The following ACBD3 variants were observed in gnomAD, a reference collection of about 807,000 sequenced individuals.
ACBD3 encodes the protein acyl-CoA binding domain containing 3.
In ACBD3, 30 loss-of-function variants were observed where a neutral mutation model predicts 66.9. The ratio of observed to expected loss-of-function variants is 0.45; its 90% confidence interval spans 0.34 to 0.61. The LOEUF (loss-of-function observed/expected upper bound fraction) is 0.61, where lower values mean the gene tolerates loss of function less well. Ranked by LOEUF, ACBD3 falls within the 20% of genes least tolerant of loss-of-function variation. ACBD3 has a pLI of 0.02. For synonymous variants in ACBD3, 278 were observed against 259.8 expected (o/e 1.07, Z -0.68); for missense variants, 544 against 664.5 (o/e 0.82, Z 1.99).
chr1:226,160,332 G>C (rs1268530524), intron 4 of ACBD3, among the ~76,000 whole-genome samples: 1 of 149,738 alleles, frequency 6.7e-6, no homozygotes, highest in African/African-American at 2.5e-5. Flanking sequence ...TCAATCAAGT[G>C]ATCCGCCCGC....
rs1252666279 is a variant in ACBD3 at position 226,145,730 on chromosome 1, AATG to A, written c.*877_*879del. The stretch of plus-strand genomic sequence containing the variant: ...CTTCCCATATGCTGAATTATATTTA[AATG>A]ATTTTATGTATTTTAATTCAGTAGG... On this transcript the variant is annotated 3_prime_UTR_variant, in exon 8 of 8. Coordinates refer to ENST00000366812, the MANE Select transcript of ACBD3 (RefSeq NM_022735.4). 1 of 152,636 alleles carries A rather than the reference AATG, an allele frequency of 6.6e-6. No individual in the cohort carries two copies. Among genetic ancestry groups the A allele is most frequent in the African/African-American group, 2.4e-5 (1 of 41,454 alleles). The allele number at this position is 152,636 out of a possible 1,614,324, so 9.5% of individuals were successfully genotyped here.
intron 3 of ACBD3, among the ~76,000 whole-genome samples, chr1:226,164,533 A>G (rs183953346): frequency 1.6e-4 from 25 of 152,284 alleles, no homozygotes; most frequent in Admixed American, 1.5e-3. Context: ...AGTGTAATAA[A>G]ACAAAAGGAA....
chr1:226,173,016 G>A (rs1353545214), intron 1 of ACBD3, among the ~76,000 whole-genome samples: 1 of 151,732 alleles, frequency 6.6e-6, no homozygotes, highest in African/African-American at 2.4e-5. Flanking sequence ...CTATAATCCT[G>A]GCACTTTGGA....
At chr1:226,181,945 CT>C (rs1656178881) in intron 1 of ACBD3, among the ~76,000 whole-genome samples, 1 of 152,180 alleles carries the variant, frequency 6.6e-6, no homozygotes, top group Admixed American at 6.5e-5. Context: ...AACTGGGCAA[CT>C]CTGGCCGGGC....
chr1:226,148,364 A>G (rs1659497973), intron 7 of ACBD3, among the ~76,000 whole-genome samples: 1 of 152,202 alleles, frequency 6.6e-6, no homozygotes. Context: ...TTCTAAAATT[A>G]AAAGTTTATT....
Position 226,186,647 on chromosome 1 carries a change from A to T in ACBD3, c.29T>A (p.Leu10His). Residue 10 changes from leucine (L) to histidine (H), a missense_variant, in exon 1 of 8, where the codon CTC becomes CAC. Transcript: ENST00000366812. MAAVLNAER[L>H]EVSVDGLTLS... ...CGTGAGGCCGTCGACGGACACCTCG[A>T]GTCGCTCTGCGTTCAGCACCGCCGC... 2.0e-6 allele frequency: 3 copies of T among 1,515,284 alleles called. No individual in the cohort carries two copies. Among genetic ancestry groups the T allele is most frequent in the Non-Finnish European group, 1.8e-6 (2 of 1,138,894 alleles). The allele number at this position is 1,515,284 out of a possible 1,614,324, so 93.9% of individuals were successfully genotyped here.
In ACBD3 at chr1:226,146,307, G is replaced by T; in HGVS notation, c.*303C>A. Reference sequence around the variant, plus strand: ...CATCAGCCGGGTAAGGTCAACGTTGGGGTGTTTTATTTTGGAGACTTTAAA... The same window carrying T: ...CATCAGCCGGGTAAGGTCAACGTTGTGGTGTTTTATTTTGGAGACTTTAAA... On this transcript the variant is annotated 3_prime_UTR_variant, in exon 8 of 8. Transcript: ENST00000366812. 3.5e-6 allele frequency: 1 copy of T among 281,952 alleles called. No individual in the cohort carries two copies. The highest frequency in any genetic ancestry group is 6.8e-6 in the Non-Finnish European group (1 of 148,004). 17.5% of individuals were successfully genotyped at this position (281,952 alleles called of 1,614,324 possible). A position where few individuals can be genotyped will look rare whatever the true frequency, so the allele number is the denominator to read the frequency against.
intron 5 of ACBD3, among the ~76,000 whole-genome samples, chr1:226,158,955 C>T (rs1214753744): frequency 6.6e-6 from 1 of 152,206 alleles, no homozygotes; most frequent in Non-Finnish European, 1.5e-5. Flanking sequence ...CATACAACTC[C>T]CAAATACCCT....
rs772273022 is a variant in ACBD3 at position 226,154,752 on chromosome 1, T to C, written c.985A>G (p.Ser329Gly). ...TGTCCATTAACTGACATCATATTAC[T>C]TGGTACAGTTGCATTCACTTTTGAT... ...TSSKVNATVP[S>G]NMMSVNGQAK... The change falls in exon 6 of 8, where the codon AGT (serine) becomes GGT (glycine). Residue 329 changes from serine to glycine, a missense_variant. Coordinates refer to ENST00000366812, the MANE Select transcript of ACBD3 (RefSeq NM_022735.4). 7 of 1,613,968 alleles carry C rather than the reference T, an allele frequency of 4.3e-6. No individual in the cohort carries two copies. Among genetic ancestry groups the C allele is most frequent in the African/African-American group, 2.7e-5 (2 of 75,026 alleles).
intron 5 of ACBD3, among the ~76,000 whole-genome samples, chr1:226,155,758 G>A (rs1576231410): frequency 6.6e-6 from 1 of 152,148 alleles, no homozygotes; most frequent in South Asian, 2.1e-4. Context: ...ATTGTTAATC[G>A]TGTTGTAAAA....
At chr1:226,162,947 T>C (rs1399889939) in intron 3 of ACBD3, among the ~76,000 whole-genome samples, 1 of 151,956 alleles carries the variant, frequency 6.6e-6, no homozygotes, top group Non-Finnish European at 1.5e-5. Flanking sequence ...CAGGGACCTG[T>C]AACCACATCC....
chr1:226,150,599 G>A (rs1340605187), intron 7 of ACBD3, among the ~76,000 whole-genome samples: 3 of 152,062 alleles, frequency 2.0e-5, no homozygotes, highest in African/African-American at 4.8e-5. Context: ...GACTGGTCTC[G>A]AACTCCTGAC....
chr1:226,179,294 G>C (rs72759078), intron 1 of ACBD3, among the ~76,000 whole-genome samples: 15,864 of 152,144 alleles, frequency 0.1, 1,012 homozygotes, highest in South Asian at 0.17. Flanking sequence ...GCAGGGACTT[G>C]AATTCCCACT....
Position 226,146,795 on chromosome 1 carries a change from T to C in ACBD3, c.1402A>G (p.Lys468Glu), listed in dbSNP as rs1659462050. ...EENIGCEEKA[K>E]KNANKPLLDE... is the part of the protein sequence containing the mutation. ...AGCAAAGGCTTGTTGGCATTCTTTT[T>C]GGCTTTCTCTTCACAACCGATGTTT... Residue 468 changes from lysine (K) to glutamate (E), a missense_variant, in exon 8 of 8, where the codon AAA becomes GAA. This residue lies in a region of ACBD3 where 383 missense variants were observed against 462.4 expected (regional missense o/e 0.83). Coordinates refer to ENST00000366812, the MANE Select transcript of ACBD3 (RefSeq NM_022735.4). 1 of 1,614,090 alleles carries C rather than the reference T, an allele frequency of 6.2e-7. No homozygotes were observed. Among genetic ancestry groups the C allele is most frequent in the Non-Finnish European group, 8.5e-7 (1 of 1,180,028 alleles).
At position 226,173,757 on chromosome 1, in the gene ACBD3, C is replaced by CTTTTTTTTT. The variant is rs145462202; in HGVS notation, c.287-7766_287-7758dup. Among the ~76,000 whole-genome samples, 9 of 88,306 alleles carry CTTTTTTTTT rather than the reference C, an allele frequency of 1.0e-4. 1 individual carries two copies. Among genetic ancestry groups the CTTTTTTTTT allele is most frequent in the South Asian group, 7.5e-4 (2 of 2,656 alleles). 57.9% of individuals were successfully genotyped at this position (88,306 alleles called of 152,430 possible). ...TAATTTTCTTCTTTTTTTTTCTTTT[C>CTTTTTTTTT]TTTTTTTTTTTTTTTTTTTTTGAGA... On this transcript the variant is annotated intron_variant, in intron 1 of 7. Transcript: ENST00000366812.
At chr1:226,165,760 T>C in intron 2 of ACBD3, 99 bp downstream of exon 2, 1 of 1,383,180 alleles carries the variant, frequency 7.2e-7, no homozygotes, top group South Asian at 1.6e-5. Flanking sequence ...GTTCTTATCC[T>C]AAGCTAATGA....
rs1363760777 is a variant in ACBD3, at chr1:226,164,802, G to C, written c.556C>G (p.Gln186Glu). The C allele has an allele frequency of 3.7e-6, 6 of 1,601,990 alleles. No homozygotes were observed. Among genetic ancestry groups the C allele is most frequent in the Non-Finnish European group, 5.1e-6 (6 of 1,175,624 alleles). ...CTCAAACTTCACCTTTTTTTTTCTT[G>C]CTCTTCCTTCTCTATTTTGTGGGAC... ...VASHKIEKEE[Q>E]EKKRKEEEER... Residue 186 changes from glutamine (Q) to glutamate (E), a missense_variant, in exon 3 of 8, where the codon CAA becomes GAA. Gln to Glu is a conservative substitution (Grantham distance 29, BLOSUM62 2). Transcript: ENST00000366812.
At chr1:226,169,317 G>A (rs1489296312) in intron 1 of ACBD3, among the ~76,000 whole-genome samples, 5 of 151,506 alleles carry the variant, frequency 3.3e-5, no homozygotes, top group East Asian at 1.9e-4. Context: ...GTGCGATCTC[G>A]GCTCACTGCA....
At chr1:226,171,603 T>A (rs920259278) in intron 1 of ACBD3, among the ~76,000 whole-genome samples, 2 of 152,032 alleles carry the variant, frequency 1.3e-5, no homozygotes, top group East Asian at 3.9e-4. Context: ...AGTGGCGTGA[T>A]CTCGGCTCAC....
Sources: gnomAD v4.1 joint callset for allele counts (sites outside exome capture counted in the v4.1 genomes callset) on GRCh38, gnomAD v4.1.1 for gene constraint, gnomAD v4.1.1 regional missense constraint, MANE v1.5 for transcripts, NCBI Gene and HGNC (gene_info 2026-07-23, HGNC 2026-07-21) for gene names.